UBR3: variants seen among roughly 807,000 people sequenced by gnomAD.
The protein encoded by UBR3 is ubiquitin protein ligase E3 component n-recognin 3.
A neutral mutation model predicts 243.2 loss-of-function variants in UBR3; 85 were observed. That is an observed-to-expected ratio of 0.35 (90% CI 0.29 to 0.42). The LOEUF is 0.42. UBR3 is among the 10% of genes least tolerant of loss of function. The pLI, the probability that UBR3 is intolerant of heterozygous loss-of-function variation, is 1.00. For synonymous variants in UBR3, 748 were observed against 799.8 expected, an observed-to-expected ratio of 0.94 and a Z score of 1.09; for missense variants, 1,686 against 2,300.8, an observed-to-expected ratio of 0.73 and a Z score of 5.47.
At chr2:170,026,842 A>C (rs1478960730) in intron 30 of UBR3, among the ~76,000 whole-genome samples, 2 of 152,082 alleles carry the variant, frequency 1.3e-5, no homozygotes, top group African/African-American at 4.8e-5. Flanking sequence ...ACTTTTGATT[A>C]TGATTATAGA....
intron 36 of UBR3, among the ~76,000 whole-genome samples, chr2:170,074,031 A>T (rs2091755113): frequency 6.6e-6 from 1 of 152,172 alleles, no homozygotes; most frequent in African/African-American, 2.4e-5. Context: ...CAGCTAGTTA[A>T]AGGGTTTGTA....
At chr2:169,899,269 C>A (rs939048477) in intron 8 of UBR3, among the ~76,000 whole-genome samples, 4 of 152,202 alleles carry the variant, frequency 2.6e-5, no homozygotes, top group Non-Finnish European at 4.4e-5. Context: ...CATGAGCCAC[C>A]ATGCCTGGCC....
chr2:169,867,372 C>T (rs745507078), intron 1 of UBR3, among the ~76,000 whole-genome samples: 2 of 152,150 alleles, frequency 1.3e-5, no homozygotes, highest in Non-Finnish European at 2.9e-5. Flanking sequence ...TGATCTACCT[C>T]ATTTTTGTAA....
intron 1 of UBR3, among the ~76,000 whole-genome samples, chr2:169,845,880 A>G (rs1472567843): frequency 6.6e-6 from 1 of 152,176 alleles, no homozygotes; most frequent in African/African-American, 2.4e-5. Flanking sequence ...TACGGTGCCC[A>G]GCCAGTAATT....
At chr2:169,862,913 A>G (rs2083139842) in intron 1 of UBR3, among the ~76,000 whole-genome samples, 1 of 152,306 alleles carries the variant, frequency 6.6e-6, no homozygotes, top group South Asian at 2.1e-4. Flanking sequence ...ATCTCCATGA[A>G]TTATCCAAAA....
chr2:170,059,231 G>A (rs894862941), intron 33 of UBR3, among the ~76,000 whole-genome samples: 19 of 152,140 alleles, frequency 1.2e-4, no homozygotes, highest in African/African-American at 4.6e-4. Flanking sequence ...TATAAAATTT[G>A]CCATGTGTAA....
chr2:169,925,798 C>T, intron 14 of UBR3, 51 bp downstream of exon 14: 1 of 1,434,788 alleles, frequency 7.0e-7, no homozygotes, highest in Non-Finnish European at 9.2e-7. Flanking sequence ...TCATTTGTAC[C>T]CAAGGGATTT....
chr2:169,996,688 CTTTTGT>C (rs2089491740), intron 26 of UBR3, among the ~76,000 whole-genome samples: 3 of 88,326 alleles, frequency 3.4e-5, no homozygotes, highest in African/African-American at 8.2e-5. Flanking sequence ...TTGCTTTGGA[CTTTTGT>C]TTTTTTTTTT....
rs527780472 is a variant in UBR3, at chr2:170,049,466, T to C, written c.4661-5994T>C. On this transcript the variant is annotated intron_variant, in intron 32 of 38. Coordinates refer to ENST00000272793, the MANE Select transcript of UBR3 (RefSeq NM_172070.4). ...AGTTCAAACCCATCTTGTTACATAG[T>C]ACTGCAGATGTAGGATTCAGAACTA... Among the ~76,000 whole-genome samples the C allele has an allele frequency of 1.2e-4, 18 of 152,310 alleles. No individual in the cohort carries two copies. In the East Asian group the frequency reaches 3.5e-3, roughly 29 times the overall value.
intron 24 of UBR3, among the ~76,000 whole-genome samples, chr2:169,977,138 T>G (rs1208822153): frequency 6.6e-6 from 1 of 152,212 alleles, no homozygotes; most frequent in Admixed American, 6.5e-5. Flanking sequence ...CTGATTCTAT[T>G]GAATTATATA....
At chr2:170,015,802 G>T (rs1442915339) in intron 30 of UBR3, among the ~76,000 whole-genome samples, 1 of 151,672 alleles carries the variant, frequency 6.6e-6, no homozygotes, top group Admixed American at 6.6e-5. Context: ...TTGCACGTTT[G>T]CTTTTATTTA....
rs139608618 is a variant in UBR3 at position 169,909,223 on chromosome 2, A to G, written c.1779+3059A>G. Among the ~76,000 whole-genome samples the G allele has an allele frequency of 7.7e-3, 1,179 of 152,280 alleles. 13 individuals carry two copies. Among genetic ancestry groups the G allele is most frequent in the African/African-American group, 0.026 (1,068 of 41,554 alleles). ...TCAGATTATTATTGCAGGTATTCGC[A>G]GATCATGTTAAGTACTCTTGGATTC... On this transcript the variant is annotated intron_variant, in intron 10 of 38. Coordinates refer to ENST00000272793, the MANE Select transcript of UBR3 (RefSeq NM_172070.4).
At chr2:169,900,139 C>T (rs990901468) in intron 8 of UBR3, among the ~76,000 whole-genome samples, 2 of 152,178 alleles carry the variant, frequency 1.3e-5, no homozygotes, top group African/African-American at 4.8e-5. Flanking sequence ...CCTATTTCTC[C>T]ACATCCTCTC....
At chr2:170,051,788 T>C (rs762102118) in intron 32 of UBR3, among the ~76,000 whole-genome samples, 3 of 152,250 alleles carry the variant, frequency 2.0e-5, no homozygotes, top group Non-Finnish European at 4.4e-5. Context: ...TTCTGTAATG[T>C]CTGTCACTTA....
At position 169,835,464 on chromosome 2, in the gene UBR3, T is replaced by C. The variant is rs1225873833; in HGVS notation, c.545+7412T>C. On this transcript the variant is annotated intron_variant, in intron 1 of 38. Transcript: ENST00000272793. ...TTTTGTTTGTTTGTTTGTTTTGATA[T>C]GGAGTCTCACTCTGTTGCCAGGCTG... Among the ~76,000 whole-genome samples the C allele has an allele frequency of 2.0e-5, 3 of 152,326 alleles. No individual in the cohort carries two copies. In the South Asian group the frequency reaches 6.2e-4, roughly 32 times the overall value.
At chr2:170,062,567 T>G (rs2091477058) in intron 35 of UBR3, among the ~76,000 whole-genome samples, 1 of 152,196 alleles carries the variant, frequency 6.6e-6, no homozygotes, top group African/African-American at 2.4e-5. Context: ...TCTTTCACAG[T>G]TTTTAAATTT....
chr2:170,014,423 G>A (rs1207505910), intron 29 of UBR3: 1 of 148,882 alleles, frequency 6.7e-6, no homozygotes, highest in African/African-American at 2.5e-5. Flanking sequence ...GGTCAGTTTT[G>A]GTTGTAGAAA....
chr2:170,062,189 T>C (rs1446283075), intron 35 of UBR3, among the ~76,000 whole-genome samples: 1 of 152,222 alleles, frequency 6.6e-6, no homozygotes, highest in Non-Finnish European at 1.5e-5. Flanking sequence ...GTTTAATCTA[T>C]TTCATAAAAC....
At chr2:170,068,031 A>G (rs1043487104) in intron 35 of UBR3, among the ~76,000 whole-genome samples, 8 of 152,016 alleles carry the variant, frequency 5.3e-5, no homozygotes, top group African/African-American at 1.9e-4. Flanking sequence ...TGGCCTCCCA[A>G]AGTGCTAGGA....
Sources: allele counts gnomAD v4.1 joint callset (sites outside exome capture counted in the v4.1 genomes callset), GRCh38; gene constraint gnomAD v4.1.1; transcripts MANE v1.5; gene names NCBI Gene and HGNC (gene_info 2026-07-23, HGNC 2026-07-21).